PALS1: variants seen among roughly 807,000 people sequenced by gnomAD.
PALS1 encodes protein PALS1.
In PALS1, 31 loss-of-function variants were observed where a neutral mutation model predicts 78.9. The ratio of observed to expected loss-of-function variants is 0.39; its 90% CI spans 0.30 to 0.53. The LOEUF is 0.53. Among genes scored for constraint, PALS1 ranks in the 20% least tolerant of loss-of-function variants. PALS1 has a pLI of 0.67. For missense variants in PALS1, 704 were observed against 826.5 expected, an observed-to-expected ratio of 0.85 and a Z score of 1.82; for synonymous variants, 276 against 270.9, an observed-to-expected ratio of 1.02 and a Z score of -0.18.
intron 14 of PALS1, among the ~76,000 whole-genome samples, chr14:67,329,972 G>C (rs2085422166): frequency 6.6e-6 from 1 of 151,164 alleles, no homozygotes; most frequent in Non-Finnish European, 1.5e-5. Context: ...TGTTCTTCTA[G>C]TATTGTGAAA....
At chr14:67,301,739 G>A (rs1246735725) in intron 5 of PALS1, among the ~76,000 whole-genome samples, 1 of 152,158 alleles carries the variant, frequency 6.6e-6, no homozygotes, top group African/African-American at 2.4e-5. Context: ...TATCTAGGGT[G>A]TGTAGACCTT....
chr14:67,272,693 C>T (rs2084426472), intron 2 of PALS1, among the ~76,000 whole-genome samples: 1 of 152,186 alleles, frequency 6.6e-6, no homozygotes, highest in South Asian at 2.1e-4. Context: ...GAGTCTCGCG[C>T]TGTCTCCCAG....
chr14:67,335,593 A>G lies in PALS1; in HGVS notation c.*2637A>G, dbSNP rs2085518751. Reference sequence around the variant, plus strand: ...ATGTCTGGATTATCTTCCTTTTCTCATGGCCTAAGAAATAAGGATCAATAA... The same window carrying G: ...ATGTCTGGATTATCTTCCTTTTCTCGTGGCCTAAGAAATAAGGATCAATAA... On this transcript the variant is annotated 3_prime_UTR_variant, in exon 15 of 15. Transcript: ENST00000261681. 6.6e-6 allele frequency: 1 copy of G among 152,644 alleles called. No homozygotes were observed. Among genetic ancestry groups the G allele is most frequent in the Admixed American group, 6.5e-5 (1 of 15,274 alleles). 9.5% of individuals were successfully genotyped at this position (152,644 alleles called of 1,614,324 possible). A position where few individuals can be genotyped will look rare whatever the true frequency, so the allele number is the denominator to read the frequency against.
At chr14:67,304,592 C>A (rs2084974864) in intron 8 of PALS1, among the ~76,000 whole-genome samples, 1 of 152,070 alleles carries the variant, frequency 6.6e-6, no homozygotes, top group East Asian at 1.9e-4. Flanking sequence ...TAGGTAAATC[C>A]ATAGGAGAGA....
intron 9 of PALS1, among the ~76,000 whole-genome samples, chr14:67,315,524 C>T (rs1387506375): frequency 2.0e-5 from 3 of 152,062 alleles, no homozygotes; most frequent in African/African-American, 7.2e-5. Context: ...GATCTGCCCA[C>T]CTTGGCCTCT....
intron 3 of PALS1, among the ~76,000 whole-genome samples, chr14:67,284,654 T>A (rs895308743): frequency 6.7e-6 from 1 of 149,700 alleles, no homozygotes; most frequent in Non-Finnish European, 1.5e-5. Flanking sequence ...CTCCCTATTC[T>A]GTCCACCACC....
At chr14:67,248,198 G>C (rs1300871170) in intron 1 of PALS1, among the ~76,000 whole-genome samples, 1 of 151,932 alleles carries the variant, frequency 6.6e-6, no homozygotes, top group Non-Finnish European at 1.5e-5. Context: ...AATCATTTTG[G>C]ATTTTTAAAA....
chr14:67,324,496 G>A (rs72717387), intron 14 of PALS1, among the ~76,000 whole-genome samples: 4,577 of 152,024 alleles, frequency 0.03, 85 homozygotes, highest in Non-Finnish European at 0.036. Flanking sequence ...TCATTTCATT[G>A]ACTATGCCTT....
intron 4 of PALS1, among the ~76,000 whole-genome samples, chr14:67,298,274 C>T (rs1455927732): frequency 2.6e-5 from 4 of 151,920 alleles, no homozygotes. Context: ...AATAGTTATA[C>T]TGTTACTAGG....
At chr14:67,247,515 A>G (rs1273955441) in intron 1 of PALS1, among the ~76,000 whole-genome samples, 2 of 150,854 alleles carry the variant, frequency 1.3e-5, no homozygotes, top group Non-Finnish European at 2.9e-5. Context: ...AACTTGCTGT[A>G]TTGTCTTGGT....
chr14:67,301,893 C>T (rs2084936711), intron 5 of PALS1, 79 bp from the exon 6 acceptor site: 1 of 1,412,800 alleles, frequency 7.1e-7, no homozygotes, highest in African/African-American at 1.5e-5. Flanking sequence ...GGTCAGAATA[C>T]TATGTACATA....
chr14:67,281,733 T>C (rs1407074285), intron 3 of PALS1, among the ~76,000 whole-genome samples: 1 of 152,160 alleles, frequency 6.6e-6, no homozygotes, highest in African/African-American at 2.4e-5. Context: ...CCGGATTCAC[T>C]TAGTAAGAGA....
Position 67,333,880 on chromosome 14 carries a change from A to G in PALS1, c.*924A>G, listed in dbSNP as rs1336338313. The G allele has an allele frequency of 6.6e-6, 1 of 152,580 alleles. No homozygotes were observed. The highest frequency in any genetic ancestry group is 1.5e-5 in the Non-Finnish European group (1 of 68,002). The allele number at this position is 152,580 out of a possible 1,614,324, so 9.5% of individuals were successfully genotyped here. On this transcript the variant is annotated 3_prime_UTR_variant, in exon 15 of 15. Coordinates refer to ENST00000261681, the MANE Select transcript of PALS1 (RefSeq NM_022474.4). ...TACATGGGAGGATAGCACATTTGACAGTTTTTGCATTTTTATGTATGAGCA... is the reference window on the plus strand; with the variant it reads ...TACATGGGAGGATAGCACATTTGACGGTTTTTGCATTTTTATGTATGAGCA...
In PALS1 at chr14:67,334,755, A is replaced by G. The variant is rs1566591491; in HGVS notation, c.*1799A>G. 6.6e-6 allele frequency: 1 copy of G among 152,200 alleles called. No homozygotes were observed. Among genetic ancestry groups the G allele is most frequent in the Admixed American group, 6.5e-5 (1 of 15,284 alleles). The allele number at this position is 152,200 out of a possible 1,614,324, so 9.4% of individuals were successfully genotyped here. On this transcript the variant is annotated 3_prime_UTR_variant, in exon 15 of 15. Coordinates refer to ENST00000261681, the MANE Select transcript of PALS1 (RefSeq NM_022474.4). ...GAAATACTCCAGTTTAGAGCCAGGA[A>G]ATTTCACAGGTCACACCGATTTTTA... is the stretch of plus-strand genomic sequence containing the variant.
At chr14:67,316,805 A>G in intron 9 of PALS1, 27 bp from the exon 10 acceptor site, 1 of 1,582,292 alleles carries the variant, frequency 6.3e-7, no homozygotes, top group Non-Finnish European at 8.6e-7. Flanking sequence ...TAAATATTTT[A>G]CCCTTCTTTT....
In PALS1 at chr14:67,334,284, G is replaced by C. The variant is rs1200477901; in HGVS notation, c.*1328G>C. 1 of 152,596 alleles carries C rather than the reference G, an allele frequency of 6.6e-6. No individual in the cohort carries two copies. Among genetic ancestry groups the C allele is most frequent in the Non-Finnish European group, 1.5e-5 (1 of 68,004 alleles). 9.5% of individuals were successfully genotyped at this position (152,596 alleles called of 1,614,324 possible). A position where few individuals can be genotyped will look rare whatever the true frequency, so the allele number is the denominator to read the frequency against. On this transcript the variant is annotated 3_prime_UTR_variant, in exon 15 of 15. Coordinates refer to ENST00000261681, the MANE Select transcript of PALS1 (RefSeq NM_022474.4). ...TTTTCGTACTGTCTCTATAGCTGTA[G>C]CTTTAAAATTCAACGTATATAATTG...
At chr14:67,298,323 G>A (rs1235303701) in intron 4 of PALS1, among the ~76,000 whole-genome samples, 1 of 152,032 alleles carries the variant, frequency 6.6e-6, no homozygotes, top group Admixed American at 6.5e-5. Flanking sequence ...AGACTAGTCT[G>A]GCCAACATGG....
chr14:67,242,227 T>C (rs2083917137), intron 1 of PALS1, among the ~76,000 whole-genome samples: 1 of 152,196 alleles, frequency 6.6e-6, no homozygotes, highest in African/African-American at 2.4e-5. Flanking sequence ...CATACAGTAA[T>C]GTGTACGGAA....
chr14:67,254,463 C>T (rs531788911), intron 1 of PALS1, among the ~76,000 whole-genome samples: 3 of 152,068 alleles, frequency 2.0e-5, no homozygotes, highest in Admixed American at 2.0e-4. Context: ...TTACTCATAC[C>T]CTCAGTCAGC....
Sources: allele counts gnomAD v4.1 joint callset (sites outside exome capture counted in the v4.1 genomes callset), GRCh38; gene constraint gnomAD v4.1.1; transcripts MANE v1.5; gene names NCBI Gene and HGNC (gene_info 2026-07-23, HGNC 2026-07-21).